SORBS2: variants seen among roughly 807,000 people sequenced by gnomAD.
SORBS2 encodes the protein sorbin and SH3 domain-containing protein 2.
In SORBS2, 46 loss-of-function variants were observed where a neutral mutation model predicts 97.7. The observed-to-expected ratio is 0.47, with a 90% CI of 0.37 to 0.60. The LOEUF (loss-of-function observed/expected upper bound fraction) is 0.60, where lower values mean the gene tolerates loss of function less well. Among genes scored for constraint, SORBS2 ranks in the 20% least tolerant of loss-of-function variants. The pLI is 0.00. For synonymous variants in SORBS2, 476 were observed against 473.4 expected (o/e 1.01, Z -0.07); for missense variants, 1,316 against 1,282.3 (o/e 1.03, Z -0.40).
At position 185,684,363 on chromosome 4, in the gene SORBS2, C is replaced by G. The variant is rs1056721067; in HGVS notation, c.-197-5541G>C. On this transcript the variant is annotated intron_variant, in intron 2 of 20. Transcript: ENST00000284776. The surrounding 1 kb of genome is among the most constrained non-coding windows in gnomAD (Gnocchi z 4.2). Reference sequence around the variant, plus strand: ...ATTAAAGGAAAGCAAAGGTCTCTTTCAAAACTAATGTTCTATCATTCTGTT... The same window carrying G: ...ATTAAAGGAAAGCAAAGGTCTCTTTGAAAACTAATGTTCTATCATTCTGTT... 6.6e-6 allele frequency among the ~76,000 whole-genome samples: 1 copy of G among 152,036 alleles called. No individual in the cohort carries two copies. Among genetic ancestry groups the G allele is most frequent in the African/African-American group, 2.4e-5 (1 of 41,388 alleles).
chr4:185,845,953 T>C (rs2099214290), intron 1 of SORBS2, among the ~76,000 whole-genome samples: 1 of 152,244 alleles, frequency 6.6e-6, no homozygotes, highest in Non-Finnish European at 1.5e-5. Flanking sequence ...CATTCACTGC[T>C]AGTGGTGATG....
intron 1 of SORBS2, among the ~76,000 whole-genome samples, chr4:185,862,765 C>T (rs2099224580): frequency 6.6e-6 from 1 of 152,210 alleles, no homozygotes; most frequent in South Asian, 2.1e-4. Context: ...CTTCCTCTGC[C>T]CTTCAACCTC....
rs2096758002 is a variant in SORBS2, at chr4:185,623,658, C to T, written c.1471G>A (p.Glu491Lys). Reference sequence around the variant, plus strand: ...AACTCCACGTGTGCTCGGGGCTGCTCATCGCTGGTGACTTCAATGTGAATG... The same window carrying T: ...AACTCCACGTGTGCTCGGGGCTGCTTATCGCTGGTGACTTCAATGTGAATG... The change falls in exon 7 of 15, where the codon GAG becomes AAG. Residue 491 changes from glutamate to lysine, a missense_variant. By Grantham distance (56) the Glu-to-Lys change is moderately conservative (BLOSUM62 1). Coordinates refer to ENST00000418609, the Ensembl canonical transcript of SORBS2. This position sits in a 1 kb window ranked among gnomAD's most constrained non-coding sequence, Gnocchi z 6.4. 6.2e-7 allele frequency: 1 copy of T among 1,614,114 alleles called. No individual in the cohort carries two copies. Among genetic ancestry groups the T allele is most frequent in the South Asian group, 1.1e-5 (1 of 91,074 alleles).
rs1342495235 is a variant in SORBS2, at chr4:185,613,562, C to T, written c.2595+1269G>A. ...AATCGGGAGGCTGAGGTGGGAGAAT[C>T]GCTTGAACCTGGGAGGCAGAGGTTG... On this transcript the variant is annotated intron_variant, in intron 11 of 14. Transcript: ENST00000418609. Among the ~76,000 whole-genome samples the T allele has an allele frequency of 4.1e-5, 6 of 146,632 alleles. No individual in the cohort carries two copies. In the South Asian group the frequency reaches 1.1e-3, roughly 27 times the overall value.
intron 4 of SORBS2, among the ~76,000 whole-genome samples, chr4:185,676,076 T>A (rs1429541239): frequency 1.3e-5 from 2 of 152,244 alleles, no homozygotes; most frequent in African/African-American, 4.8e-5. Flanking sequence ...CTGTTTTCAA[T>A]ATTAACACTA....
At position 185,606,857 on chromosome 4, in the gene SORBS2, C is replaced by T. The variant is rs542217724; in HGVS notation, c.2796+4923G>A. On this transcript the variant is annotated intron_variant, in intron 12 of 14. Transcript: ENST00000418609. This position sits in a 1 kb window ranked among gnomAD's most constrained non-coding sequence, Gnocchi z 4.3. Reference sequence around the variant, plus strand: ...GGAAGGGGTACAGGCAAGGAACCCACGCTGGTGCACGCAGAGGCCACAAAA... The same window carrying T: ...GGAAGGGGTACAGGCAAGGAACCCATGCTGGTGCACGCAGAGGCCACAAAA... 40 of 985,380 alleles carry T rather than the reference C, an allele frequency of 4.1e-5. No individual in the cohort carries two copies. Among genetic ancestry groups the T allele is most frequent in the African/African-American group, 1.4e-4 (8 of 57,336 alleles). 61.0% of individuals were successfully genotyped at this position (985,380 alleles called of 1,614,324 possible). A position where few individuals can be genotyped will look rare whatever the true frequency, so the allele number is the denominator to read the frequency against.
intron 1 of SORBS2, among the ~76,000 whole-genome samples, chr4:185,894,638 A>G (rs1377486552): frequency 6.6e-6 from 1 of 152,122 alleles, no homozygotes; most frequent in Non-Finnish European, 1.5e-5. Context: ...TAATTGCTGC[A>G]CTGTCAGAAT....
intron 1 of SORBS2, among the ~76,000 whole-genome samples, chr4:185,827,846 CCAT>C (rs377736384): frequency 8.2e-5 from 12 of 146,110 alleles, no homozygotes; most frequent in Non-Finnish European, 1.2e-4. Flanking sequence ...ATCATCGTCA[CCAT>C]CATCAGCGTC....
At chr4:185,871,354 A>G (rs987690094) in intron 1 of SORBS2, among the ~76,000 whole-genome samples, 3 of 152,230 alleles carry the variant, frequency 2.0e-5, no homozygotes, top group African/African-American at 7.2e-5. Context: ...AATCAGCAAA[A>G]GATGGATTTT....
At chr4:185,590,676 T>A (rs1221517593) in intron 13 of SORBS2, among the ~76,000 whole-genome samples, 1 of 152,150 alleles carries the variant, frequency 6.6e-6, no homozygotes, top group Non-Finnish European at 1.5e-5. Context: ...TGGAAATTGA[T>A]CAATAATGAA....
At chr4:185,590,305 A>G (rs1458056498) in intron 13 of SORBS2, among the ~76,000 whole-genome samples, 1 of 152,246 alleles carries the variant, frequency 6.6e-6, no homozygotes, top group Non-Finnish European at 1.5e-5. Context: ...AATGTGTCAG[A>G]CATGTCTTTT....
intron 2 of SORBS2, among the ~76,000 whole-genome samples, chr4:185,710,537 T>C (rs1254330330): frequency 6.6e-6 from 1 of 152,260 alleles, no homozygotes; most frequent in East Asian, 1.9e-4. Flanking sequence ...ATGGAATGAA[T>C]GTGTTTTCTC....
chr4:185,795,830 G>A (rs10021308), intron 1 of SORBS2, among the ~76,000 whole-genome samples: 76,934 of 151,924 alleles, frequency 0.51, 19,502 homozygotes, highest in Middle Eastern at 0.58. Flanking sequence ...TCTCAAACCA[G>A]TTTCACTATC....
chr4:185,787,830 T>C (rs1446308442), intron 1 of SORBS2, among the ~76,000 whole-genome samples: 1 of 152,220 alleles, frequency 6.6e-6, no homozygotes, highest in Non-Finnish European at 1.5e-5. Context: ...AGGACGAGTG[T>C]TATAGTTCTC....
intron 1 of SORBS2, among the ~76,000 whole-genome samples, chr4:185,879,109 T>G (rs985043257): frequency 1.3e-5 from 2 of 150,898 alleles, no homozygotes; most frequent in South Asian, 4.2e-4. Flanking sequence ...GCCATGTTGG[T>G]GTGCTGCACC....
At chr4:185,940,284 C>T (rs1375296477) in intron 1 of SORBS2, among the ~76,000 whole-genome samples, 1 of 152,228 alleles carries the variant, frequency 6.6e-6, no homozygotes, top group Admixed American at 6.5e-5. Context: ...CCAGTTACCA[C>T]TTGCAGGATC....
At chr4:185,721,404 G>C (rs1336892237) in intron 2 of SORBS2, among the ~76,000 whole-genome samples, 1 of 152,118 alleles carries the variant, frequency 6.6e-6, no homozygotes, top group African/African-American at 2.4e-5. Context: ...TGACAGATGT[G>C]AACGTTTGAT....
At chr4:185,731,858 CTCTCTCTCTATATATA>C (rs1362612625) in intron 2 of SORBS2, among the ~76,000 whole-genome samples, 11 of 36,086 alleles carry the variant, frequency 3.0e-4, no homozygotes, top group South Asian at 1.1e-3. Context: ...CTCTCTCTCT[CTCTCTCTCTATATATA>C]TATATATATA....
intron 2 of SORBS2, among the ~76,000 whole-genome samples, chr4:185,713,644 AG>A (rs1441508451): frequency 6.6e-6 from 1 of 152,248 alleles, no homozygotes; most frequent in Non-Finnish European, 1.5e-5. Flanking sequence ...AGAGGTAGTC[AG>A]CTTCACCACT....
Sources: allele counts gnomAD v4.1 joint callset (sites outside exome capture counted in the v4.1 genomes callset), GRCh38; gene constraint gnomAD v4.1.1; non-coding constraint Gnocchi (gnomAD v3.1); transcripts MANE v1.5; gene names NCBI Gene and HGNC (gene_info 2026-07-23, HGNC 2026-07-21).